LGSN: variants seen among roughly 807,000 people sequenced by gnomAD.
The protein encoded by LGSN is lengsin.
Under a neutral mutation model 19.5 loss-of-function variants are expected in LGSN, and 21 were observed. The ratio of observed to expected loss-of-function variants is 1.07; its 90% CI spans 0.76 to 1.55. The LOEUF (loss-of-function observed/expected upper bound fraction) is 1.55. LGSN is among the 40% of genes most tolerant of loss of function. LGSN has a pLI of 0.00. For missense variants in LGSN, 673 were observed against 608.5 expected (o/e 1.11, Z -1.12); for synonymous variants, 257 against 215.6 (o/e 1.19, Z -1.68).
At chr6:63,486,685 T>C in the LGSN span, among the ~76,000 whole-genome samples, 4 of 144,952 alleles carry the variant, frequency 2.8e-5, no homozygotes, top group East Asian at 4.0e-4. Flanking sequence ...TTTTCTTCTT[T>C]TTTTTTTTTT....
At chr6:63,368,543 C>G in the LGSN span, among the ~76,000 whole-genome samples, 1 of 152,188 alleles carries the variant, frequency 6.6e-6, no homozygotes, top group Non-Finnish European at 1.5e-5. Flanking sequence ...GTCACCTTTT[C>G]AGTAATTGTT....
the LGSN span, among the ~76,000 whole-genome samples, chr6:63,365,273 G>A: frequency 6.6e-6 from 1 of 152,272 alleles, no homozygotes; most frequent in South Asian, 2.1e-4. Flanking sequence ...CGATCCCACA[G>A]AAATACATAC....
chr6:63,469,234 T>C, the LGSN span, among the ~76,000 whole-genome samples: 127 of 152,290 alleles, frequency 8.3e-4, no homozygotes, highest in African/African-American at 2.9e-3. Flanking sequence ...AGCCAGAAAC[T>C]TGGTATGCTT....
chr6:63,572,523 G>C, the LGSN span: 9 of 391,822 alleles, frequency 2.3e-5, no homozygotes, highest in East Asian at 2.5e-4. Flanking sequence ...GGCCGGCTCG[G>C]CTACGCGCTC....
the LGSN span, among the ~76,000 whole-genome samples, chr6:63,519,939 A>G: frequency 6.6e-6 from 1 of 152,250 alleles, no homozygotes; most frequent in Non-Finnish European, 1.5e-5. Context: ...CATTCAACAC[A>G]TTAAAATTCA....
rs1223943140 is a variant in LGSN, at chr6:63,281,304, AAT to A, written c.331-86_331-85del. On this transcript the variant is annotated intron_variant, in intron 3 of 3. Coordinates refer to ENST00000370657, the MANE Select transcript of LGSN (RefSeq NM_016571.3). ...GCGGCGGGAAAGCCTTGCTAATGAAAATATATATATATATATATATATATATA... is the reference window on the plus strand; with the variant it reads ...GCGGCGGGAAAGCCTTGCTAATGAAAATATATATATATATATATATATATA... 4.7e-3 allele frequency: 641 copies of A among 135,650 alleles called. 3 individuals are homozygous for A. The highest frequency in any genetic ancestry group is 0.01 in the African/African-American group (318 of 30,350). 8.4% of individuals were successfully genotyped at this position (135,650 alleles called of 1,614,324 possible). A position where few individuals can be genotyped will look rare whatever the true frequency, so the allele number is the denominator to read the frequency against.
At chr6:63,425,603 G>A in the LGSN span, among the ~76,000 whole-genome samples, 1 of 152,096 alleles carries the variant, frequency 6.6e-6, no homozygotes, top group Non-Finnish European at 1.5e-5. Flanking sequence ...ATCAGTTGTC[G>A]AAGTTAGGGA....
chr6:63,441,397 C>A, the LGSN span: 2 of 462,972 alleles, frequency 4.3e-6, no homozygotes, highest in Non-Finnish European at 4.3e-6. Context: ...AGCTGAAGAA[C>A]CTGAAGTGGC....
At chr6:63,367,677 T>A in the LGSN span, among the ~76,000 whole-genome samples, 3 of 143,594 alleles carry the variant, frequency 2.1e-5, no homozygotes, top group East Asian at 6.1e-4. Context: ...AATAGCAAAG[T>A]CTTGGAACCA....
chr6:63,472,320 T>C, the LGSN span, among the ~76,000 whole-genome samples: 5 of 152,170 alleles, frequency 3.3e-5, no homozygotes, highest in Non-Finnish European at 7.3e-5. Context: ...GTTATCAAGA[T>C]TCCGAAATTC....
the LGSN span, among the ~76,000 whole-genome samples, chr6:63,445,220 A>G: frequency 6.6e-6 from 1 of 152,156 alleles, no homozygotes; most frequent in Non-Finnish European, 1.5e-5. Context: ...CTGAGGCAGG[A>G]GAATCACTTG....
chr6:63,550,067 A>T, the LGSN span, among the ~76,000 whole-genome samples: 1 of 152,212 alleles, frequency 6.6e-6, no homozygotes, highest in Non-Finnish European at 1.5e-5. Flanking sequence ...TATGTACTCC[A>T]TAATATGTGC....
intron 1 of LGSN, among the ~76,000 whole-genome samples, chr6:63,297,211 G>T (rs566326028): frequency 6.6e-6 from 1 of 151,890 alleles, no homozygotes; most frequent in Non-Finnish European, 1.5e-5. Flanking sequence ...GTGGTTGCAC[G>T]TGCCTGTAAT....
chr6:63,466,832 GATGTCTA>G, the LGSN span, among the ~76,000 whole-genome samples: 6 of 152,128 alleles, frequency 3.9e-5, no homozygotes, highest in Non-Finnish European at 8.8e-5. Flanking sequence ...TAAAGTATGA[GATGTCTA>G]TTAGACATCC....
At chr6:63,455,702 T>C in the LGSN span, among the ~76,000 whole-genome samples, 29 of 151,792 alleles carry the variant, frequency 1.9e-4, no homozygotes, top group Non-Finnish European at 3.8e-4. Flanking sequence ...TGTAGTGAGC[T>C]GAGATCGCAT....
the LGSN span, among the ~76,000 whole-genome samples, chr6:63,419,063 G>A: frequency 1.3e-5 from 2 of 152,096 alleles, no homozygotes; most frequent in African/African-American, 4.8e-5. Context: ...TTGCCATGGT[G>A]TCAGTAGAAG....
At chr6:63,483,892 G>T in the LGSN span, among the ~76,000 whole-genome samples, 2 of 151,244 alleles carry the variant, frequency 1.3e-5, no homozygotes, top group Non-Finnish European at 2.9e-5. Context: ...AGTATCTCCA[G>T]TAGTCACATT....
intron 1 of LGSN, among the ~76,000 whole-genome samples, chr6:63,308,233 A>G (rs79797808): frequency 2.0e-5 from 3 of 152,168 alleles, no homozygotes; most frequent in Admixed American, 2.0e-4. Context: ...TTCACAATTC[A>G]AAAATGTTTC....
the LGSN span, among the ~76,000 whole-genome samples, chr6:63,325,619 C>T: frequency 2.0e-5 from 3 of 152,202 alleles, no homozygotes; most frequent in Non-Finnish European, 4.4e-5. Context: ...TTGGTGGGTT[C>T]TGGGTCTCAC....
Sources: allele counts gnomAD v4.1 joint callset (sites outside exome capture counted in the v4.1 genomes callset), GRCh38; gene constraint gnomAD v4.1.1; transcripts MANE v1.5; gene names NCBI Gene and HGNC (gene_info 2026-07-23, HGNC 2026-07-21).